PRDM5: variants seen among roughly 807,000 people sequenced by gnomAD.
PRDM5 encodes PR domain zinc finger protein 5.
Under a neutral mutation model 81.2 loss-of-function variants are expected in PRDM5, and 56 were observed. The observed-to-expected ratio is 0.69, with a 90% confidence interval of 0.56 to 0.86. The LOEUF (loss-of-function observed/expected upper bound fraction) is 0.86. PRDM5 is among the 40% of genes least tolerant of loss of function. PRDM5 has a pLI of 0.00. For missense variants in PRDM5, 697 were observed against 770.1 expected (o/e 0.91, Z 1.12); for synonymous variants, 267 against 256.4 (o/e 1.04, Z -0.39).
intron 2 of PRDM5, among the ~76,000 whole-genome samples, chr4:120,881,659 A>G (rs1762856673): frequency 6.6e-6 from 1 of 152,214 alleles, no homozygotes. Context: ...TAGGCCATGA[A>G]TTGACATTTC....
At position 120,863,156 on chromosome 4, in the gene PRDM5, T is replaced by TAAAA. The variant is rs66499146; in HGVS notation, c.178-9620_178-9617dup. 5.2e-4 allele frequency among the ~76,000 whole-genome samples: 21 copies of TAAAA among 40,098 alleles called. 1 individual carries two copies. The highest frequency in any genetic ancestry group is 2.0e-3 in the African/African-American group (17 of 8,592). 26.3% of individuals were successfully genotyped at this position (40,098 alleles called of 152,430 possible). Reference sequence around the variant, plus strand: ...CTGGGTGACAGAGCAAGACTCTGTCTAAAAAAAAAAAAAAAAAAAATATAT... The same window carrying TAAAA: ...CTGGGTGACAGAGCAAGACTCTGTCTAAAAAAAAAAAAAAAAAAAAAAAATATAT... On this transcript the variant is annotated intron_variant, in intron 2 of 15. Coordinates refer to ENST00000264808, the MANE Select transcript of PRDM5 (RefSeq NM_018699.4).
At chr4:120,900,328 C>T (rs1056626980) in intron 2 of PRDM5, among the ~76,000 whole-genome samples, 2 of 152,138 alleles carry the variant, frequency 1.3e-5, no homozygotes, top group Non-Finnish European at 2.9e-5. Flanking sequence ...ATCTAGGGGA[C>T]TCCAGCCTCC....
intron 2 of PRDM5, among the ~76,000 whole-genome samples, chr4:120,880,575 C>A (rs1762749620): frequency 6.6e-6 from 1 of 152,072 alleles, no homozygotes; most frequent in Admixed American, 6.5e-5. Flanking sequence ...TCTTCAAAAT[C>A]TTTGAAATCT....
chr4:120,757,562 G>A (rs1744933287), intron 13 of PRDM5, among the ~76,000 whole-genome samples: 1 of 152,198 alleles, frequency 6.6e-6, no homozygotes, highest in Non-Finnish European at 1.5e-5. Flanking sequence ...GTGTCCAGAA[G>A]AGATGAGCAT....
chr4:120,815,154 T>C (rs1417984764), intron 7 of PRDM5, among the ~76,000 whole-genome samples: 3 of 152,144 alleles, frequency 2.0e-5, no homozygotes, highest in Non-Finnish European at 4.4e-5. Context: ...ATTGCAGACA[T>C]AGATGAAGAA....
Position 120,770,190 on chromosome 4 carries a change from G to A in PRDM5, c.1537+6998C>T, listed in dbSNP as rs1230077889. On this transcript the variant is annotated intron_variant, in intron 13 of 15. Transcript: ENST00000264808. ...TGGGATTACAGGCACCCATCACCAA[G>A]GCTAATTTTTGTATTTTTAGTAGAG... 5.3e-5 allele frequency among the ~76,000 whole-genome samples: 8 copies of A among 151,898 alleles called. No homozygotes were observed. In the South Asian group the frequency reaches 1.5e-3, roughly 28 times the overall value.
At chr4:120,749,632 G>T (rs868868989) in intron 14 of PRDM5, among the ~76,000 whole-genome samples, 7 of 152,188 alleles carry the variant, frequency 4.6e-5, no homozygotes, top group Non-Finnish European at 7.3e-5. Context: ...AGTGAGGAGG[G>T]AGACACCTGC....
intron 3 of PRDM5, among the ~76,000 whole-genome samples, chr4:120,852,315 C>G (rs936290930): frequency 6.6e-6 from 1 of 152,100 alleles, no homozygotes; most frequent in African/African-American, 2.4e-5. Context: ...AAACATTATT[C>G]TGGGTGTTTC....
rs776010069 is a variant in PRDM5 at position 120,695,132 on chromosome 4, G to T, written c.1872C>A (p.Ile624=). The T allele has an allele frequency of 3.7e-6, 6 of 1,613,086 alleles. No homozygotes were observed. Among genetic ancestry groups the T allele is most frequent in the African/African-American group, 1.3e-5 (1 of 74,826 alleles). ...NDYLKVHMDN[I]HGVADS The stretch of plus-strand genomic sequence containing the variant: ...CCTATTAGCTGTCAGCTACACCATG[G>T]ATATTGTCCATGTGCACTTTGAGGT... The change falls in exon 16 of 16, where the codon ATC becomes ATA. Residue 624 remains isoleucine (I), a synonymous_variant. Transcript: ENST00000264808.
At chr4:120,797,621 A>G (rs1481184961) in intron 10 of PRDM5, among the ~76,000 whole-genome samples, 1 of 152,242 alleles carries the variant, frequency 6.6e-6, no homozygotes, top group African/African-American at 2.4e-5. Flanking sequence ...GGAAACTCCA[A>G]AAGAGAAGCT....
At chr4:120,808,020 A>T (rs1467877170) in intron 8 of PRDM5, among the ~76,000 whole-genome samples, 1 of 152,198 alleles carries the variant, frequency 6.6e-6, no homozygotes, top group Non-Finnish European at 1.5e-5. Flanking sequence ...TCAGGAGAGA[A>T]GCTGCAGACC....
chr4:120,781,409 T>G (rs1009479817), intron 11 of PRDM5, 106 bp from the exon 12 acceptor site: 4 of 977,282 alleles, frequency 4.1e-6, no homozygotes, highest in Non-Finnish European at 6.4e-6. Context: ...GCTTTGTAGC[T>G]CTAAGAATGT....
intron 3 of PRDM5, among the ~76,000 whole-genome samples, chr4:120,831,455 C>G (rs1448722422): frequency 6.6e-6 from 1 of 152,004 alleles, no homozygotes; most frequent in Non-Finnish European, 1.5e-5. Context: ...ACACTGGGGA[C>G]AAGTTACTTT....
chr4:120,809,925 G>C (rs1022175108), intron 8 of PRDM5, among the ~76,000 whole-genome samples: 1 of 151,968 alleles, frequency 6.6e-6, no homozygotes, highest in Admixed American at 6.6e-5. Context: ...TCACATAGGA[G>C]TGTCTGATGC....
intron 8 of PRDM5, among the ~76,000 whole-genome samples, chr4:120,803,854 T>C (rs1036856507): frequency 1.3e-5 from 2 of 152,100 alleles, no homozygotes; most frequent in Non-Finnish European, 2.9e-5. Flanking sequence ...CACATAACAA[T>C]ATTAACCTTA....
At chr4:120,921,579 G>T (rs972814468) in intron 1 of PRDM5, among the ~76,000 whole-genome samples, 1 of 152,152 alleles carries the variant, frequency 6.6e-6, no homozygotes, top group Admixed American at 6.5e-5. Flanking sequence ...TGAACCTCTT[G>T]TTAACATACC....
At chr4:120,734,391 AAC>A (rs71597096) in intron 14 of PRDM5, among the ~76,000 whole-genome samples, 7,498 of 147,452 alleles carry the variant, frequency 0.051, 287 homozygotes, top group African/African-American at 0.11. Flanking sequence ...ATGTTAGTGG[AAC>A]ACACACACAC....
rs1734089061 is a variant in PRDM5, at chr4:120,692,106, G to A, written c.*3005C>T. On this transcript the variant is annotated 3_prime_UTR_variant, in exon 16 of 16. Coordinates refer to ENST00000264808, the MANE Select transcript of PRDM5 (RefSeq NM_018699.4). ...CCACATATTCATTACTCTAAGATGA[G>A]TTTTCATAAGCAACATTTAGATTTG... is the stretch of plus-strand genomic sequence containing the variant. The A allele has an allele frequency of 6.6e-6, 1 of 152,098 alleles. No homozygotes were observed. The highest frequency in any genetic ancestry group is 2.4e-5 in the African/African-American group (1 of 41,516). 9.4% of individuals were successfully genotyped at this position (152,098 alleles called of 1,614,324 possible).
chr4:120,851,405 C>A (rs1759249875), intron 3 of PRDM5, among the ~76,000 whole-genome samples: 1 of 150,804 alleles, frequency 6.6e-6, no homozygotes, highest in Non-Finnish European at 1.5e-5. Context: ...ATGAGTTTGC[C>A]TCAGAAAGCC....
Sources: gnomAD v4.1 joint callset for allele counts (sites outside exome capture counted in the v4.1 genomes callset) on GRCh38, gnomAD v4.1.1 for gene constraint, MANE v1.5 for transcripts, NCBI Gene and HGNC (gene_info 2026-07-23, HGNC 2026-07-21) for gene names.